Variants in NHS observed in about 807,000 individuals in gnomAD.
NHS encodes NHS actin remodeling regulator.
In NHS, 5 loss-of-function variants were observed where a neutral mutation model predicts 72.5. The ratio of observed to expected loss-of-function variants is 0.07; its 90% CI spans 0.04 to 0.14. NHS has a LOEUF of 0.14. NHS is among the 10% of genes least tolerant of loss of function. The probability of loss-of-function intolerance (pLI) is 1.00; values close to 1 mark genes in which losing one functional copy is unlikely to be tolerated. For synonymous variants in NHS, 464 were observed against 547.7 expected, an observed-to-expected ratio of 0.85 and a Z score of 2.13; for missense variants, 1,072 against 1,355.7, an observed-to-expected ratio of 0.79 and a Z score of 3.29.
chrX:17,698,847 T>C (rs1209176819), intron 3 of NHS, among the ~76,000 whole-genome samples: 1 of 111,112 alleles, frequency 9.0e-6, no homozygotes, highest in Non-Finnish European at 1.9e-5. Flanking sequence ...ACCCATATGG[T>C]TAGCTCCTTG....
intron 1 of NHS, among the ~76,000 whole-genome samples, chrX:17,458,955 A>C (rs1174550453): frequency 2.7e-5 from 3 of 111,982 alleles, no homozygotes; most frequent in African/African-American, 9.7e-5. Flanking sequence ...CTGACTCTGG[A>C]CTCTACCCCC....
intron 1 of NHS, among the ~76,000 whole-genome samples, chrX:17,531,721 C>T (rs147262438): frequency 1.2e-4 from 13 of 112,241 alleles, no homozygotes; most frequent in African/African-American, 2.9e-4. Context: ...GCTGCAGCCA[C>T]GCTGGCCTAT....
intron 1 of NHS, among the ~76,000 whole-genome samples, chrX:17,498,121 T>G (rs1475411024): frequency 8.9e-6 from 1 of 112,305 alleles, no homozygotes. Flanking sequence ...TGACAGCCAT[T>G]GCTTTAGGTC....
intron 1 of NHS, among the ~76,000 whole-genome samples, chrX:17,472,752 A>G (rs1347691284): frequency 8.9e-6 from 1 of 112,059 alleles, no homozygotes; most frequent in African/African-American, 3.2e-5. Context: ...GATGGGAATC[A>G]GTCTGGATTT....
At chrX:17,635,261 G>A in intron 1 of NHS, 1 of 1,020,032 alleles carries the variant, frequency 9.8e-7, no homozygotes, top group Non-Finnish European at 1.2e-6. Flanking sequence ...CCCTCCTCTG[G>A]AGACAGGGTG....
At chrX:17,645,178 C>T (rs776202047) in intron 1 of NHS, among the ~76,000 whole-genome samples, 1 of 111,840 alleles carries the variant, frequency 8.9e-6, no homozygotes, top group South Asian at 3.8e-4. Context: ...TTATGAGGTA[C>T]TGGCATTTAA....
intron 4 of NHS, among the ~76,000 whole-genome samples, chrX:17,721,187 T>C (rs913628114): frequency 8.9e-6 from 1 of 112,387 alleles, no homozygotes; most frequent in African/African-American, 3.2e-5. Flanking sequence ...GATTTCTGGC[T>C]ACCTTGTCTC....
rs1012803666 is a variant in NHS at position 17,717,668 on chromosome X, A to G, written c.853-1676A>G. ...GTGAAAATGAAGAATCCTTTATTCA[A>G]GAATTTCAAAACAGTGACAGCACAA... On this transcript the variant is annotated intron_variant, in intron 3 of 8. Coordinates refer to ENST00000676302, the MANE Select transcript of NHS (RefSeq NM_001291867.2). Among the ~76,000 whole-genome samples the G allele has an allele frequency of 5.3e-5, 6 of 112,305 alleles. No homozygotes were observed. The Admixed American group carries it at 5.6e-4, about 11-fold the overall frequency.
At chrX:17,584,255 C>T (rs1161078875) in intron 1 of NHS, among the ~76,000 whole-genome samples, 1 of 111,718 alleles carries the variant, frequency 9.0e-6, no homozygotes, top group Non-Finnish European at 1.9e-5. Flanking sequence ...GACTTTCATA[C>T]CCCTCAGAGG....
At chrX:17,463,082 C>T (rs1013495386) in intron 1 of NHS, among the ~76,000 whole-genome samples, 1 of 112,213 alleles carries the variant, frequency 8.9e-6, no homozygotes, top group African/African-American at 3.2e-5. Context: ...CAATGTGGCA[C>T]CCATGCAATG....
chrX:17,529,619 A>G (rs2065189429), intron 1 of NHS, among the ~76,000 whole-genome samples: 1 of 111,916 alleles, frequency 8.9e-6, no homozygotes, highest in Admixed American at 9.5e-5. Context: ...ACAACAGCAG[A>G]AAACAGAAAT....
At chrX:17,603,929 T>C (rs1258402431) in intron 1 of NHS, among the ~76,000 whole-genome samples, 8 of 111,630 alleles carry the variant, frequency 7.2e-5, no homozygotes, top group Non-Finnish European at 1.5e-4. Flanking sequence ...TGAAGGGCTA[T>C]GAGTTTGCCT....
chrX:17,600,434 G>A lies in NHS; in HGVS notation c.566-87308G>A, dbSNP rs910684080. Among the ~76,000 whole-genome samples, 7 of 111,778 alleles carry A rather than the reference G, an allele frequency of 6.3e-5. No homozygotes were observed. The South Asian group carries it at 1.9e-3, about 30-fold the overall frequency. ...TTCCAATGGAAAATTCCAAAAAAGC[G>A]TCAGCCACAGCTAAATGGGACAAGA... On this transcript the variant is annotated intron_variant, in intron 1 of 8. Transcript: ENST00000676302.
intron 1 of NHS, among the ~76,000 whole-genome samples, chrX:17,517,757 AAG>A (rs1266097200): frequency 8.9e-6 from 1 of 112,005 alleles, no homozygotes; most frequent in African/African-American, 3.3e-5. Flanking sequence ...ATTTGTTTGT[AAG>A]AGAGAGAAAA....
Position 17,470,811 on chromosome X carries a change from A to G in NHS, c.565+94489A>G, listed in dbSNP as rs189507460. On this transcript the variant is annotated intron_variant, in intron 1 of 8. Coordinates refer to ENST00000676302, the MANE Select transcript of NHS (RefSeq NM_001291867.2). ...CCTCCCTATCTAAAATGACATCTCC[A>G]TCATGTTCCACTGCCTGATCTACTT... Among the ~76,000 whole-genome samples the G allele has an allele frequency of 4.3e-3, 477 of 111,319 alleles. 1 individual carries two copies. The highest frequency in any genetic ancestry group is 7.7e-3 in the Admixed American group (81 of 10,479).
At chrX:17,685,543 A>G (rs1000033212) in intron 1 of NHS, among the ~76,000 whole-genome samples, 2 of 111,736 alleles carry the variant, frequency 1.8e-5, no homozygotes, top group African/African-American at 6.5e-5. Context: ...GGCTTGCCCA[A>G]CAAGCACAGT....
At chrX:17,692,030 TTTGTTG>T (rs768650135) in intron 2 of NHS, among the ~76,000 whole-genome samples, 2 of 111,431 alleles carry the variant, frequency 1.8e-5, no homozygotes, top group Non-Finnish European at 1.9e-5. Flanking sequence ...GTTCTCAACT[TTTGTTG>T]TTGTTGTTGT....
chrX:17,539,130 G>T (rs529458309), intron 1 of NHS, among the ~76,000 whole-genome samples: 14 of 111,840 alleles, frequency 1.3e-4, no homozygotes, highest in South Asian at 3.7e-4. Flanking sequence ...TACCATATAT[G>T]CAGGGTCTTC....
intron 1 of NHS, among the ~76,000 whole-genome samples, chrX:17,405,255 G>T (rs1392467481): frequency 8.9e-6 from 1 of 112,125 alleles, no homozygotes; most frequent in Non-Finnish European, 1.9e-5. Flanking sequence ...TATTCCATTG[G>T]CTGGAACTCA....
Sources: gnomAD v4.1 joint callset for allele counts (sites outside exome capture counted in the v4.1 genomes callset) on GRCh38, gnomAD v4.1.1 for gene constraint, MANE v1.5 for transcripts, NCBI Gene and HGNC (gene_info 2026-07-23, HGNC 2026-07-21) for gene names.